Variants in DNAH11 observed in about 807,000 individuals in gnomAD.
DNAH11 encodes the protein axonemal beta dynein heavy chain 11.
Under a neutral mutation model 526.0 loss-of-function variants are expected in DNAH11, and 442 were observed. The observed-to-expected ratio is 0.84, with a 90% CI of 0.78 to 0.91. The LOEUF is 0.91. Among genes scored for constraint, DNAH11 ranks in the 40% least tolerant of loss-of-function variants. DNAH11 has a pLI of 0.00. For synonymous variants in DNAH11, 2,461 were observed against 1,935.9 expected (o/e 1.27, Z -7.12); for missense variants, 6,989 against 5,448.7 (o/e 1.28, Z -8.90).
At chr7:21,759,122 G>T (rs1013769578) in intron 54 of DNAH11, among the ~76,000 whole-genome samples, 1 of 152,210 alleles carries the variant, frequency 6.6e-6, no homozygotes, top group Admixed American at 6.5e-5. Flanking sequence ...CATGGCAGCT[G>T]AGACGAGGGC....
At chr7:21,656,023 T>C in intron 29 of DNAH11, 42 bp downstream of exon 29, 2 of 1,527,646 alleles carry the variant, frequency 1.3e-6, no homozygotes, top group Non-Finnish European at 1.8e-6. Flanking sequence ...GGGGAGTATT[T>C]TCAGCATGCT....
intron 73 of DNAH11, among the ~76,000 whole-genome samples, chr7:21,869,879 A>C (rs1783430768): frequency 6.6e-6 from 1 of 152,214 alleles, no homozygotes; most frequent in South Asian, 2.1e-4. Flanking sequence ...CCCTTGGCTG[A>C]GTATTACAAG....
At chr7:21,699,351 CA>C (rs1282298967) in intron 36 of DNAH11, among the ~76,000 whole-genome samples, 1 of 152,076 alleles carries the variant, frequency 6.6e-6, no homozygotes, top group Non-Finnish European at 1.5e-5. Context: ...GCTGATAAGC[CA>C]CAGAAATTAC....
In DNAH11 at chr7:21,599,966, C is replaced by A. The variant is rs1248712632; in HGVS notation, c.2847C>A (p.Ile949=). 6.2e-7 allele frequency: 1 copy of A among 1,613,470 alleles called. No homozygotes were observed. The highest frequency in any genetic ancestry group is 1.3e-5 in the African/African-American group (1 of 74,878). Residue 949 remains isoleucine (I), a synonymous_variant, in exon 15 of 82, where the codon ATC becomes ATA. Coordinates refer to ENST00000409508, the MANE Select transcript of DNAH11 (RefSeq NM_001277115.2). ...CACCGTTTTTTCAAGCACAAATGATCTTGTTGCCTCCTGAGATTGTGTTTA... is the reference window on the plus strand; with the variant it reads ...CACCGTTTTTTCAAGCACAAATGATATTGTTGCCTCCTGAGATTGTGTTTA... ...KPAPFFQAQM[I]LLPPEIVFKP...
chr7:21,578,287 G>T (rs948225648), intron 8 of DNAH11, among the ~76,000 whole-genome samples: 1 of 152,180 alleles, frequency 6.6e-6, no homozygotes, highest in Non-Finnish European at 1.5e-5. Flanking sequence ...GGAGAAATTG[G>T]CCAAAACAAA....
intron 8 of DNAH11, among the ~76,000 whole-genome samples, chr7:21,579,172 C>A (rs988080608): frequency 6.6e-6 from 1 of 152,134 alleles, no homozygotes; most frequent in Non-Finnish European, 1.5e-5. Flanking sequence ...CTAATTACAA[C>A]CCTTCAATAG....
intron 25 of DNAH11, 53 bp from the exon 26 acceptor site, chr7:21,635,818 C>G (rs1374302389): frequency 2.7e-6 from 4 of 1,460,224 alleles, no homozygotes; most frequent in Non-Finnish European, 3.7e-6. Context: ...CCTCATAGCA[C>G]TCACATTCTA....
intron 1 of DNAH11, among the ~76,000 whole-genome samples, chr7:21,544,493 C>T (rs1390567800): frequency 6.6e-6 from 1 of 152,052 alleles, no homozygotes; most frequent in Non-Finnish European, 1.5e-5. Flanking sequence ...TCTAGTATTA[C>T]CTAAGTTAAA....
chr7:21,590,581 A>G (rs1185610288), intron 12 of DNAH11, among the ~76,000 whole-genome samples: 1 of 152,230 alleles, frequency 6.6e-6, no homozygotes, highest in Non-Finnish European at 1.5e-5. Flanking sequence ...TAAAATATGT[A>G]CAGAGAATAG....
In DNAH11 at chr7:21,601,096, G is replaced by A. The variant is rs767107624; in HGVS notation, c.3342G>A (p.Lys1114=). 11 of 1,610,364 alleles carry A rather than the reference G, an allele frequency of 6.8e-6. No homozygotes were observed. The highest frequency in any genetic ancestry group is 2.7e-5 in the African/African-American group (2 of 74,738). ...VFDSWFKVDM[K]PFKVSLLTII... is the part of the protein sequence containing the mutation. Reference sequence around the variant, plus strand: ...ATAGTTGGTTCAAGGTGGACATGAAGCCTTTCAAAGTGAGCTTGTTAACCA... The same window carrying A: ...ATAGTTGGTTCAAGGTGGACATGAAACCTTTCAAAGTGAGCTTGTTAACCA... The change falls in exon 17 of 82, where the codon AAG becomes AAA. Residue 1114 remains lysine, a synonymous_variant. Transcript: ENST00000409508.
chr7:21,747,390 A>G (rs1035509564), intron 51 of DNAH11, among the ~76,000 whole-genome samples: 7 of 152,204 alleles, frequency 4.6e-5, no homozygotes, highest in African/African-American at 1.4e-4. Context: ...CAATTTATGC[A>G]GTTTGTTCAG....
In DNAH11 at chr7:21,742,112, G is replaced by A. The variant is rs72657365; in HGVS notation, c.8100G>A (p.Thr2700=). The part of the protein sequence containing the change: ...HQTMMCNFLP[T]AIKFHYIFNL... ...CAATGATGTGTAACTTTTTACCCAC[G>A]GCTATTAAATTCCACTACATCTTTA... is the stretch of plus-strand genomic sequence containing the variant. Residue 2700 remains threonine (T), a synonymous_variant, in exon 49 of 82, where the codon ACG becomes ACA. Transcript: ENST00000409508. 49 of 1,613,788 alleles carry A rather than the reference G, an allele frequency of 3.0e-5. No homozygotes were observed. In the East Asian group the frequency reaches 4.2e-4, roughly 14 times the overall value.
At chr7:21,607,775 A>G in intron 20 of DNAH11, among the ~76,000 whole-genome samples, 1 of 151,724 alleles carries the variant, frequency 6.6e-6, no homozygotes, top group East Asian at 1.9e-4. Flanking sequence ...ACTAAAATAA[A>G]AATTAAAAAA....
At chr7:21,688,348 G>T in intron 34 of DNAH11, among the ~76,000 whole-genome samples, 1 of 152,122 alleles carries the variant, frequency 6.6e-6, no homozygotes, top group East Asian at 1.9e-4. Context: ...CACATAGTAA[G>T]CACTATATCC....
chr7:21,729,040 C>T (rs1785262027), intron 45 of DNAH11, among the ~76,000 whole-genome samples: 1 of 152,208 alleles, frequency 6.6e-6, no homozygotes, highest in African/African-American at 2.4e-5. Context: ...TGACCCCATC[C>T]CCTGAAAGTG....
In DNAH11 at chr7:21,742,141, T is replaced by C; in HGVS notation, c.8129T>C (p.Leu2710Pro). 1 of 1,613,894 alleles carries C rather than the reference T, an allele frequency of 6.2e-7. No individual in the cohort carries two copies. The highest frequency in any genetic ancestry group is 8.5e-7 in the Non-Finnish European group (1 of 1,179,818). The change falls in exon 49 of 82, where the codon CTG becomes CCG. Residue 2710 changes from leucine to proline, a missense_variant. By Grantham distance (98) the Leu-to-Pro change is moderately conservative. Coordinates refer to ENST00000409508, the MANE Select transcript of DNAH11 (RefSeq NM_001277115.2). ...TAIKFHYIFN[L>P]RDLSNVFQGI... is the part of the protein sequence containing the mutation. The stretch of plus-strand genomic sequence containing the variant: ...ATTAAATTCCACTACATCTTTAATC[T>C]GAGAGATTTATCAAACGTCTTCCAG...
intron 25 of DNAH11, among the ~76,000 whole-genome samples, chr7:21,625,147 G>A (rs974658623): frequency 1.3e-5 from 2 of 151,890 alleles, no homozygotes; most frequent in East Asian, 3.9e-4. Context: ...GAATTCCACC[G>A]TGAAGCCCTC....
intron 74 of DNAH11, among the ~76,000 whole-genome samples, chr7:21,880,096 AAAAAAG>A (rs1783859242): frequency 3.3e-5 from 5 of 152,064 alleles, no homozygotes; most frequent in Admixed American, 3.3e-4. Flanking sequence ...AAAAAAAAAA[AAAAAAG>A]AAAGAAAGAA....
chr7:21,770,019 CA>C (rs1445545479), intron 55 of DNAH11, among the ~76,000 whole-genome samples: 6 of 151,978 alleles, frequency 3.9e-5, no homozygotes, highest in Non-Finnish European at 5.9e-5. Flanking sequence ...CAACTCAAAA[CA>C]AAAAAACAGC....
Sources: gnomAD v4.1 joint callset for allele counts (sites outside exome capture counted in the v4.1 genomes callset) on GRCh38, gnomAD v4.1.1 for gene constraint, MANE v1.5 for transcripts, NCBI Gene and HGNC (gene_info 2026-07-23, HGNC 2026-07-21) for gene names.